The following L3MBTL4 variants were observed in gnomAD, a reference collection of about 807,000 sequenced individuals.
L3MBTL4 encodes the protein L3MBTL histone methyl-lysine binding protein 4.
L3MBTL4 carries 70 observed loss-of-function variants against 84.5 expected under a neutral mutation model. The ratio of observed to expected loss-of-function variants is 0.83; its 90% CI spans 0.68 to 1.01. The LOEUF (loss-of-function observed/expected upper bound fraction) is 1.01. Among genes scored for constraint, L3MBTL4 ranks in the 50% least tolerant of loss-of-function variants. L3MBTL4 has a pLI of 0.00. For synonymous variants in L3MBTL4, 274 were observed against 259.8 expected (o/e 1.05, Z -0.52); for missense variants, 715 against 754.8 (o/e 0.95, Z 0.62).
chr18:6,097,685 A>C (rs1327984589), intron 14 of L3MBTL4, among the ~76,000 whole-genome samples: 1 of 152,200 alleles, frequency 6.6e-6, no homozygotes, highest in Non-Finnish European at 1.5e-5. Context: ...ATGTCTGTGC[A>C]AATGCCATGC....
intron 16 of L3MBTL4, among the ~76,000 whole-genome samples, chr18:6,046,526 T>TG (rs2056626255): frequency 6.6e-6 from 1 of 151,974 alleles, no homozygotes; most frequent in African/African-American, 2.4e-5. Flanking sequence ...TCTCAATAAA[T>TG]TAAAAAAAAT....
chr18:6,269,544 T>A (rs2048779471), intron 4 of L3MBTL4, among the ~76,000 whole-genome samples: 3 of 152,214 alleles, frequency 2.0e-5, no homozygotes, highest in Non-Finnish European at 4.4e-5. Flanking sequence ...ATGTTACAAT[T>A]CACTGATCTA....
At chr18:6,286,381 T>C (rs2049589858) in intron 4 of L3MBTL4, among the ~76,000 whole-genome samples, 1 of 151,720 alleles carries the variant, frequency 6.6e-6, no homozygotes, top group African/African-American at 2.4e-5. Flanking sequence ...GAAGAATCGC[T>C]TGAACCCAGG....
At position 6,034,089 on chromosome 18, in the gene L3MBTL4, GGT is replaced by G. The variant is rs146511851; in HGVS notation, c.1444+46790_1444+46791del. On this transcript the variant is annotated intron_variant, in intron 16 of 18. Transcript: ENST00000317931. ...GCATTTCTTGCAGGGCACGTCTGGT[GGT>G]TATGAACTCCCTCAGTTTTGTTTAT... is the stretch of plus-strand genomic sequence containing the variant. Among the ~76,000 whole-genome samples the G allele has an allele frequency of 3.1e-3, 463 of 151,670 alleles. 18 individuals are homozygous for G. In the East Asian group the frequency reaches 0.077, roughly 25 times the overall value.
intron 12 of L3MBTL4, among the ~76,000 whole-genome samples, chr18:6,205,267 G>T (rs917079589): frequency 1.3e-5 from 2 of 152,180 alleles, no homozygotes. Context: ...AGGAGTAAAG[G>T]TGGCCTCTAG....
intron 1 of L3MBTL4, among the ~76,000 whole-genome samples, chr18:6,404,300 G>A (rs142079176): frequency 1.3e-5 from 2 of 152,298 alleles, no homozygotes; most frequent in East Asian, 3.9e-4. Context: ...CAGAACCTCA[G>A]GAACGTCCTT....
At chr18:6,024,882 T>A (rs1163293851) in intron 16 of L3MBTL4, among the ~76,000 whole-genome samples, 4 of 152,188 alleles carry the variant, frequency 2.6e-5, no homozygotes, top group African/African-American at 4.8e-5. Context: ...TGGTATGCAG[T>A]TTATGACTGT....
chr18:6,008,644 C>T (rs1426235319), intron 16 of L3MBTL4, among the ~76,000 whole-genome samples: 1 of 152,174 alleles, frequency 6.6e-6, no homozygotes, highest in African/African-American at 2.4e-5. Context: ...TAAATGCCTC[C>T]TGAAGGCCCC....
chr18:6,304,243 AGT>A (rs2050482137), intron 3 of L3MBTL4, among the ~76,000 whole-genome samples: 1 of 152,206 alleles, frequency 6.6e-6, no homozygotes, highest in Non-Finnish European at 1.5e-5. Context: ...AAAATGTATC[AGT>A]GTCTTAATTG....
At chr18:5,968,975 G>A (rs994517299) in intron 17 of L3MBTL4, among the ~76,000 whole-genome samples, 4 of 152,172 alleles carry the variant, frequency 2.6e-5, no homozygotes, top group Non-Finnish European at 5.9e-5. Context: ...ATGGATCCTT[G>A]AGGTGCAGGA....
At chr18:6,284,696 G>A (rs985353870) in intron 4 of L3MBTL4, among the ~76,000 whole-genome samples, 4 of 151,926 alleles carry the variant, frequency 2.6e-5, no homozygotes, top group African/African-American at 7.2e-5. Flanking sequence ...TCATCCTCTC[G>A]GCCTTCTCCT....
intron 10 of L3MBTL4, among the ~76,000 whole-genome samples, chr18:6,219,952 G>C (rs2046481131): frequency 6.6e-6 from 1 of 152,096 alleles, no homozygotes. Flanking sequence ...TGTAGTCCCA[G>C]CTACTCAGGA....
intron 1 of L3MBTL4, among the ~76,000 whole-genome samples, chr18:6,338,959 G>A (rs947544515): frequency 6.6e-6 from 1 of 152,054 alleles, no homozygotes; most frequent in Non-Finnish European, 1.5e-5. Context: ...GAAAAAATAA[G>A]AATTCTCTAT....
At chr18:6,128,026 T>A (rs2059751910) in intron 14 of L3MBTL4, among the ~76,000 whole-genome samples, 1 of 90,192 alleles carries the variant, frequency 1.1e-5, no homozygotes, top group African/African-American at 7.6e-5. Flanking sequence ...AAAACAAAAA[T>A]ATTGGGTGGG....
chr18:6,372,291 T>C (rs1033547875), intron 1 of L3MBTL4, among the ~76,000 whole-genome samples: 1 of 152,160 alleles, frequency 6.6e-6, no homozygotes, highest in Non-Finnish European at 1.5e-5. Context: ...AGCTGCCCTA[T>C]GGGGATGTGT....
chr18:6,138,753 C>T (rs753810067), intron 13 of L3MBTL4, among the ~76,000 whole-genome samples: 29 of 152,054 alleles, frequency 1.9e-4, no homozygotes, highest in South Asian at 8.3e-4. Context: ...GGTTTCACCA[C>T]GTTGGCCAGG....
intron 11 of L3MBTL4, among the ~76,000 whole-genome samples, chr18:6,213,608 C>T (rs992621290): frequency 6.6e-6 from 1 of 152,128 alleles, no homozygotes; most frequent in Non-Finnish European, 1.5e-5. Flanking sequence ...GACAGGGTTT[C>T]ACCATGTTGG....
At chr18:6,023,716 T>C (rs1413748534) in intron 16 of L3MBTL4, among the ~76,000 whole-genome samples, 2 of 152,204 alleles carry the variant, frequency 1.3e-5, no homozygotes, top group African/African-American at 4.8e-5. Flanking sequence ...GATAATAAAC[T>C]GTGTGCCTGT....
At chr18:5,993,529 A>G (rs973918787) in intron 16 of L3MBTL4, among the ~76,000 whole-genome samples, 1 of 151,468 alleles carries the variant, frequency 6.6e-6, no homozygotes, top group Non-Finnish European at 1.5e-5. Context: ...AACCTGGACA[A>G]GCTCTTCTAG....
Sources: gnomAD v4.1 joint callset for allele counts (sites outside exome capture counted in the v4.1 genomes callset) on GRCh38, gnomAD v4.1.1 for gene constraint, MANE v1.5 for transcripts, NCBI Gene and HGNC (gene_info 2026-07-23, HGNC 2026-07-21) for gene names.